Variants in DIP2C observed in about 807,000 individuals in gnomAD.
The protein encoded by DIP2C is DIP2 acetate--CoA ligase C (putative), also known as disco-interacting protein 2 homolog C.
A neutral mutation model predicts 192.4 loss-of-function variants in DIP2C; 33 were observed. The ratio of observed to expected loss-of-function variants is 0.17; its 90% CI spans 0.13 to 0.23. The LOEUF (loss-of-function observed/expected upper bound fraction) is 0.23, where lower values mean the gene tolerates loss of function less well. DIP2C is among the 10% of genes least tolerant of loss of function. The pLI, the probability that DIP2C is intolerant of heterozygous loss-of-function variation, is 1.00. For missense variants in DIP2C, 1,537 were observed against 2,110.1 expected (o/e 0.73, Z 5.32); for synonymous variants, 979 against 864.1 (o/e 1.13, Z -2.33).
At chr10:546,299 CAA>C (rs1362070731) in intron 1 of DIP2C, among the ~76,000 whole-genome samples, 8 of 145,254 alleles carry the variant, frequency 5.5e-5, no homozygotes, top group African/African-American at 1.5e-4. Flanking sequence ...AAAAAAGTAA[CAA>C]ATTTATTTTA....
At chr10:365,809 C>A (rs1052661904) in intron 19 of DIP2C, among the ~76,000 whole-genome samples, 5 of 152,162 alleles carry the variant, frequency 3.3e-5, no homozygotes, top group African/African-American at 7.2e-5. Flanking sequence ...CACGTGTGCT[C>A]GAGTTCTCAC....
intron 8 of DIP2C, 60 bp from the exon 9 acceptor site, chr10:409,077 G>C: frequency 2.6e-6 from 4 of 1,561,120 alleles, no homozygotes; most frequent in Non-Finnish European, 3.5e-6. Context: ...CACAGCTTCT[G>C]CAAGTCAAAG....
chr10:544,860 TTG>T (rs763248396), intron 1 of DIP2C, among the ~76,000 whole-genome samples: 1 of 152,200 alleles, frequency 6.6e-6, no homozygotes, highest in Non-Finnish European at 1.5e-5. Context: ...GTTCTGTGGG[TTG>T]TGTCTTTTTA....
chr10:562,282 A>G (rs1200332435), intron 1 of DIP2C, among the ~76,000 whole-genome samples: 11 of 152,268 alleles, frequency 7.2e-5, no homozygotes, highest in Admixed American at 6.5e-4. Context: ...TTTAAGCAGC[A>G]ATAATTTCCC....
At chr10:495,931 A>C (rs1256603465) in intron 1 of DIP2C, among the ~76,000 whole-genome samples, 1 of 151,028 alleles carries the variant, frequency 6.6e-6, no homozygotes. Context: ...CTGAGTACAC[A>C]GAACCCACGG....
chr10:380,119 G>A (rs1183473587), intron 17 of DIP2C, among the ~76,000 whole-genome samples: 1 of 151,766 alleles, frequency 6.6e-6, no homozygotes, highest in Non-Finnish European at 1.5e-5. Context: ...CTGGAAGATG[G>A]TTAACGTGCA....
chr10:615,574 G>T (rs558617067), intron 1 of DIP2C, among the ~76,000 whole-genome samples: 1 of 152,052 alleles, frequency 6.6e-6, no homozygotes, highest in South Asian at 2.1e-4. Flanking sequence ...TTTACAAAAC[G>T]TCTATTTACT....
At chr10:577,438 C>T (rs1850241465) in intron 1 of DIP2C, among the ~76,000 whole-genome samples, 1 of 152,238 alleles carries the variant, frequency 6.6e-6, no homozygotes, top group South Asian at 2.1e-4. Flanking sequence ...GTTGTGTGTA[C>T]TTTCTCATGC....
intron 17 of DIP2C, among the ~76,000 whole-genome samples, chr10:376,857 C>T (rs758646627): frequency 4.6e-5 from 7 of 152,058 alleles, no homozygotes; most frequent in Admixed American, 1.3e-4. Flanking sequence ...AAACACGCAC[C>T]GCGAGGGGAA....
At chr10:592,646 G>GCA (rs1183779788) in intron 1 of DIP2C, among the ~76,000 whole-genome samples, 1 of 152,088 alleles carries the variant, frequency 6.6e-6, no homozygotes. Flanking sequence ...CTGTTTGGAG[G>GCA]CACATCTAGA....
intron 1 of DIP2C, among the ~76,000 whole-genome samples, chr10:632,189 G>C (rs533768256): frequency 1.3e-5 from 2 of 152,388 alleles, no homozygotes; most frequent in South Asian, 2.1e-4. Flanking sequence ...CCTGTGAAGA[G>C]AGAAACAGTT....
chr10:481,054 G>T (rs533471528), intron 2 of DIP2C, among the ~76,000 whole-genome samples: 1 of 151,976 alleles, frequency 6.6e-6, no homozygotes, highest in South Asian at 2.1e-4. Context: ...GTGAGGAGGC[G>T]GTCCCTCCCC....
At chr10:657,214 ACCC>A (rs1856405296) in intron 1 of DIP2C, among the ~76,000 whole-genome samples, 1 of 79,058 alleles carries the variant, frequency 1.3e-5, no homozygotes, top group Non-Finnish European at 2.5e-5. Context: ...GCTGGACTTG[ACCC>A]TGGACCTGCC....
chr10:542,021 G>A (rs1848020292), intron 1 of DIP2C, among the ~76,000 whole-genome samples: 1 of 152,304 alleles, frequency 6.6e-6, no homozygotes, highest in Non-Finnish European at 1.5e-5. Context: ...TTGGTCTCCT[G>A]CACACTTGGC....
intron 29 of DIP2C, among the ~76,000 whole-genome samples, chr10:337,547 G>GGCT (rs1957898083): frequency 7.2e-6 from 1 of 138,648 alleles, no homozygotes; most frequent in Non-Finnish European, 1.6e-5. Flanking sequence ...TAGAGGCCTA[G>GGCT]GAAGCTGTGT....
intron 9 of DIP2C, among the ~76,000 whole-genome samples, chr10:405,639 T>C (rs1415762496): frequency 1.3e-5 from 2 of 152,224 alleles, no homozygotes; most frequent in African/African-American, 4.8e-5. Flanking sequence ...ACTGGACAAA[T>C]ACAAAGACGC....
intron 17 of DIP2C, chr10:370,112 A>G: frequency 1.1e-6 from 1 of 920,796 alleles, no homozygotes; most frequent in Non-Finnish European, 1.3e-6. Flanking sequence ...CTCAATTCAG[A>G]TGCAGACTGC....
intron 3 of DIP2C, among the ~76,000 whole-genome samples, chr10:467,578 A>AG (rs1970324203): frequency 6.6e-6 from 1 of 151,514 alleles, no homozygotes; most frequent in Non-Finnish European, 1.5e-5. Flanking sequence ...AAAAAAAAAA[A>AG]AAAGAAAATG....
At chr10:428,139 C>T (rs372245248) in intron 4 of DIP2C, among the ~76,000 whole-genome samples, 1 of 151,872 alleles carries the variant, frequency 6.6e-6, no homozygotes, top group Admixed American at 6.6e-5. Context: ...TGTAGAGAAG[C>T]GTGGACATTT....
Sources: gnomAD v4.1 joint callset for allele counts (sites outside exome capture counted in the v4.1 genomes callset) on GRCh38, gnomAD v4.1.1 for gene constraint, MANE v1.5 for transcripts, NCBI Gene and HGNC (gene_info 2026-07-23, HGNC 2026-07-21) for gene names.